DYM: variants seen among roughly 807,000 people sequenced by gnomAD.
The protein encoded by DYM is dymeclin, also known as dyggve-Melchior-Clausen syndrome protein.
Under a neutral mutation model 93.1 loss-of-function variants are expected in DYM, and 78 were observed. That is an observed-to-expected ratio of 0.84 (90% CI 0.70 to 1.01). DYM has a LOEUF of 1.01. Ranked by LOEUF, DYM falls within the 50% of genes least tolerant of loss-of-function variation. DYM has a pLI of 0.00. For missense variants in DYM, 789 were observed against 845.0 expected, an observed-to-expected ratio of 0.93 and a Z score of 0.82; for synonymous variants, 321 against 319.7, an observed-to-expected ratio of 1.00 and a Z score of -0.04.
chr18:49,304,456 G>A (rs1384135766), intron 8 of DYM, among the ~76,000 whole-genome samples: 1 of 152,068 alleles, frequency 6.6e-6, no homozygotes, highest in Non-Finnish European at 1.5e-5. Flanking sequence ...GAGCCTTCTG[G>A]AGCACACATT....
intron 15 of DYM, among the ~76,000 whole-genome samples, chr18:49,140,021 G>T (rs1263501995): frequency 6.6e-6 from 1 of 151,832 alleles, no homozygotes; most frequent in African/African-American, 2.4e-5. Flanking sequence ...CTGTACTTAC[G>T]CCCACAGGCT....
rs1399356639 is a variant in DYM, at chr18:49,041,242, C to T, written c.*2813G>A. The stretch of plus-strand genomic sequence containing the variant: ...AAGCTCTTCTGCAAAGTGCCTTGAA[C>T]TCTTGATAGGGAAGATGCTATTGAA... On this transcript the variant is annotated 3_prime_UTR_variant, in exon 18 of 18. Coordinates refer to ENST00000675505, the MANE Select transcript of DYM (RefSeq NM_001353214.3). Among the ~76,000 whole-genome samples, 1 of 152,200 alleles carries T rather than the reference C, an allele frequency of 6.6e-6. No homozygotes were observed. The highest frequency in any genetic ancestry group is 1.5e-5 in the Non-Finnish European group (1 of 68,042).
intron 14 of DYM, among the ~76,000 whole-genome samples, chr18:49,199,741 C>T (rs969521939): frequency 6.6e-6 from 1 of 152,128 alleles, no homozygotes; most frequent in Admixed American, 6.6e-5. Flanking sequence ...ATGACAAGAC[C>T]ATTCCAGCAA....
intron 17 of DYM, among the ~76,000 whole-genome samples, chr18:49,085,786 T>G (rs2078466724): frequency 6.6e-6 from 1 of 152,036 alleles, no homozygotes; most frequent in African/African-American, 2.4e-5. Flanking sequence ...TTTTGTATTT[T>G]TAGTAGAGAC....
At chr18:49,265,384 T>C (rs2094553268) in intron 11 of DYM, among the ~76,000 whole-genome samples, 1 of 152,228 alleles carries the variant, frequency 6.6e-6, no homozygotes, top group Admixed American at 6.5e-5. Flanking sequence ...TTTATTTGTT[T>C]CTTCTTCTGA....
At chr18:49,091,836 A>C (rs2079075963) in intron 17 of DYM, among the ~76,000 whole-genome samples, 1 of 151,972 alleles carries the variant, frequency 6.6e-6, no homozygotes, top group African/African-American at 2.4e-5. Context: ...GCTGGTCTCA[A>C]ACTCCTGTCC....
chr18:49,117,435 A>T (rs1354580878), intron 16 of DYM, among the ~76,000 whole-genome samples: 3 of 151,674 alleles, frequency 2.0e-5, no homozygotes, highest in African/African-American at 4.9e-5. Flanking sequence ...CAGAGTATCC[A>T]GCAGTTAATA....
chr18:49,413,375 G>C (rs1156874091), intron 2 of DYM, among the ~76,000 whole-genome samples: 1 of 152,192 alleles, frequency 6.6e-6, no homozygotes, highest in Non-Finnish European at 1.5e-5. Context: ...TCCAGCATCT[G>C]ACAAACAGTG....
At chr18:49,123,589 C>T (rs181478859) in intron 15 of DYM, among the ~76,000 whole-genome samples, 241 of 152,320 alleles carry the variant, frequency 1.6e-3, no homozygotes, top group Non-Finnish European at 3.0e-3. Context: ...CTCCTCCTTC[C>T]AGCTCAGCAG....
intron 13 of DYM, among the ~76,000 whole-genome samples, chr18:49,218,459 T>G (rs1428626749): frequency 2.6e-5 from 4 of 152,224 alleles, no homozygotes; most frequent in Admixed American, 2.6e-4. Context: ...TACATTTTTT[T>G]CAGCACCACA....
At chr18:49,335,180 C>A (rs1287557006) in intron 6 of DYM, among the ~76,000 whole-genome samples, 2 of 152,048 alleles carry the variant, frequency 1.3e-5, no homozygotes, top group African/African-American at 2.4e-5. Flanking sequence ...ACACAAGAGA[C>A]CCACGCAATT....
intron 6 of DYM, among the ~76,000 whole-genome samples, chr18:49,358,517 T>C (rs1392255878): frequency 6.6e-6 from 1 of 152,164 alleles, no homozygotes; most frequent in Non-Finnish European, 1.5e-5. Flanking sequence ...AGCAATTAAT[T>C]ATGAAACTCT....
At chr18:49,084,033 G>T (rs1025587221) in intron 17 of DYM, among the ~76,000 whole-genome samples, 52 of 151,950 alleles carry the variant, frequency 3.4e-4, no homozygotes, top group African/African-American at 1.2e-3. Flanking sequence ...CTTATTTGAG[G>T]TTTAATTTGC....
At chr18:49,287,828 C>CAAA (rs55895967) in intron 8 of DYM, among the ~76,000 whole-genome samples, 18 of 74,940 alleles carry the variant, frequency 2.4e-4, no homozygotes, top group African/African-American at 3.9e-4. Flanking sequence ...AACTCCGTCT[C>CAAA]AAAAAAAAAA....
At chr18:49,423,712 G>T (rs1179482009) in intron 2 of DYM, among the ~76,000 whole-genome samples, 1 of 152,036 alleles carries the variant, frequency 6.6e-6, no homozygotes, top group Non-Finnish European at 1.5e-5. Context: ...TGATAAAGGG[G>T]ATATCACTAC....
At chr18:49,142,264 A>G (rs1440733789) in intron 15 of DYM, among the ~76,000 whole-genome samples, 1 of 152,176 alleles carries the variant, frequency 6.6e-6, no homozygotes, top group East Asian at 1.9e-4. Flanking sequence ...AATTAATTAT[A>G]GCAAATTAAT....
At chr18:49,340,016 T>C (rs1445382027) in intron 6 of DYM, among the ~76,000 whole-genome samples, 2 of 152,154 alleles carry the variant, frequency 1.3e-5, no homozygotes, top group Non-Finnish European at 2.9e-5. Flanking sequence ...AGTGGCGCCA[T>C]CTCGGCTCAC....
intron 16 of DYM, among the ~76,000 whole-genome samples, chr18:49,100,442 G>A (rs1413471261): frequency 1.3e-5 from 2 of 152,054 alleles, no homozygotes; most frequent in Non-Finnish European, 2.9e-5. Context: ...TGTTGACTCT[G>A]CGGCCTATAC....
chr18:49,384,044 C>T (rs1209242205), intron 3 of DYM, among the ~76,000 whole-genome samples: 14 of 152,074 alleles, frequency 9.2e-5, no homozygotes, highest in Admixed American at 9.2e-4. Flanking sequence ...AGAGAGCAAG[C>T]CAGGCACAGT....
Sources: allele counts gnomAD v4.1 joint callset (sites outside exome capture counted in the v4.1 genomes callset), GRCh38; gene constraint gnomAD v4.1.1; transcripts MANE v1.5; gene names NCBI Gene and HGNC (gene_info 2026-07-23, HGNC 2026-07-21).